PELI3: variants seen among roughly 807,000 people sequenced by gnomAD.
The protein encoded by PELI3 is pellino E3 ubiquitin protein ligase family member 3.
PELI3 carries 19 observed loss-of-function variants against 35.5 expected under a neutral mutation model. That is an observed-to-expected ratio of 0.54 (90% confidence interval 0.37 to 0.79). PELI3 has a LOEUF of 0.79. PELI3 is among the 30% of genes least tolerant of loss of function. The pLI is 0.00. For synonymous variants in PELI3, 262 were observed against 279.2 expected (o/e 0.94, Z 0.62); for missense variants, 490 against 661.2 (o/e 0.74, Z 2.84).
At chr11:66,471,163 A>C in intron 3 of PELI3, 79 bp from the exon 4 acceptor site, 1 of 1,493,568 alleles carries the variant, frequency 6.7e-7, no homozygotes, top group Admixed American at 1.9e-5. Flanking sequence ...AGTTTCCTCC[A>C]AGTCTCATCA....
At chr11:66,474,513 A>C (rs973563034) in intron 7 of PELI3, 1 of 183,572 alleles carries the variant, frequency 5.4e-6, no homozygotes, top group African/African-American at 2.4e-5. Context: ...CTGGCCATGC[A>C]CTGCTCTTCT....
At chr11:66,468,773 G>A (rs1214859043) in intron 2 of PELI3, 60 bp from the exon 3 acceptor site, 9 of 765,382 alleles carry the variant, frequency 1.2e-5, no homozygotes, top group Admixed American at 3.5e-5. Context: ...CGAGTGTTCT[G>A]GGAGGCAGGC....
chr11:66,469,755 A>G (rs1282068648), intron 3 of PELI3, among the ~76,000 whole-genome samples: 1 of 151,228 alleles, frequency 6.6e-6, no homozygotes. Flanking sequence ...CCAAGCCTAC[A>G]GAATCACAGT....
rs189679251 is a variant in PELI3, at chr11:66,471,137, C to T, written c.225-105C>T. 3.3e-4 allele frequency: 456 copies of T among 1,378,516 alleles called. 5 individuals carry two copies. The South Asian group carries it at 5.6e-3, about 17-fold the overall frequency. 85.4% of individuals were successfully genotyped at this position (1,378,516 alleles called of 1,614,324 possible). A position where few individuals can be genotyped will look rare whatever the true frequency, so the allele number is the denominator to read the frequency against. On this transcript the variant is annotated intron_variant, in intron 3 of 7. Coordinates refer to ENST00000320740, the MANE Select transcript of PELI3 (RefSeq NM_145065.3). ...TAGAGCTTGTTTATTAAGGTAGGAT[C>T]TGCCTAGAAGTTGGCAGTTTCCTCC...
Position 66,476,848 on chromosome 11 carries a change from A to G in PELI3, c.*681A>G. The G allele has an allele frequency of 6.6e-6, 1 of 152,328 alleles. No homozygotes were observed. The allele number at this position is 152,328 out of a possible 1,614,324, so 9.4% of individuals were successfully genotyped here. On this transcript the variant is annotated 3_prime_UTR_variant, in exon 8 of 8. Coordinates refer to ENST00000320740, the MANE Select transcript of PELI3 (RefSeq NM_145065.3). Reference sequence around the variant, plus strand: ...ATGGCAACACGGCTTCATGCGTGCCAGGATCAGAGTACAAATCAGGCTGTG... The same window carrying G: ...ATGGCAACACGGCTTCATGCGTGCCGGGATCAGAGTACAAATCAGGCTGTG...
chr11:66,468,833 A>G lies in PELI3; in HGVS notation c.153A>G (p.Gly51=). 1 of 780,136 alleles carries G rather than the reference A, an allele frequency of 1.3e-6. No individual in the cohort carries two copies. The highest frequency in any genetic ancestry group is 2.4e-6 in the Non-Finnish European group (1 of 417,672). The allele number at this position is 780,136 out of a possible 1,614,324, so 48.3% of individuals were successfully genotyped here. A position where few individuals can be genotyped will look rare whatever the true frequency, so the allele number is the denominator to read the frequency against. Residue 51 remains glycine, a splice_region_variant and synonymous_variant, in exon 3 of 8, where the codon GGA becomes GGG. Transcript: ENST00000320740. The part of the protein sequence containing the change: ...PIKYGELIVL[G]CCEEGGEETE... The stretch of plus-strand genomic sequence containing the variant: ...TTATTTCATTTCAATCTTCACAAAG[A>G]TGCTGTGAGGAAGGAGGTGAGGAAA...
chr11:66,473,774 T>C lies in PELI3; in HGVS notation c.689T>C (p.Met230Thr). 6.2e-7 allele frequency: 1 copy of C among 1,613,946 alleles called. No individual in the cohort carries two copies. The highest frequency in any genetic ancestry group is 8.5e-7 in the Non-Finnish European group (1 of 1,179,996). ...AAKWRTPDGL[M>T]DGLTTNGVLV... Reference sequence around the variant, plus strand: ...AAATGGCGGACCCCAGATGGCCTGATGGATGGACTGACCACCAATGGAGTC... The same window carrying C: ...AAATGGCGGACCCCAGATGGCCTGACGGATGGACTGACCACCAATGGAGTC... The change falls in exon 7 of 8, where the codon ATG (methionine) becomes ACG (threonine). Residue 230 changes from methionine (M) to threonine (T), a missense_variant. Around this residue, in one of 3 missense-constraint regions of PELI3, gnomAD observed 349 missense variants for 484.8 expected, o/e 0.72. Transcript: ENST00000320740. The surrounding 1 kb of genome is among the most constrained non-coding windows in gnomAD (Gnocchi z 5.8).
At position 66,476,502 on chromosome 11, in the gene PELI3, A is replaced by C; in HGVS notation, c.*335A>C. 1 of 323,692 alleles carries C rather than the reference A, an allele frequency of 3.1e-6. No individual in the cohort carries two copies. Among genetic ancestry groups the C allele is most frequent in the Non-Finnish European group, 5.7e-6 (1 of 174,192 alleles). The allele number at this position is 323,692 out of a possible 1,614,324, so 20.1% of individuals were successfully genotyped here. A position where few individuals can be genotyped will look rare whatever the true frequency, so the allele number is the denominator to read the frequency against. The stretch of plus-strand genomic sequence containing the variant: ...GGAGTGAAGGGGCCAGGGGCCTTTG[A>C]CCCCCAGCTTAGGCTGGCTATGCCC... On this transcript the variant is annotated 3_prime_UTR_variant, in exon 8 of 8. Transcript: ENST00000320740.
In PELI3 at chr11:66,473,287, C is replaced by A; in HGVS notation, c.503C>A (p.Thr168Lys). ...ENMIDFVVTD[T>K]SPGGGAAEGP... The stretch of plus-strand genomic sequence containing the variant: ...ATGATTGACTTCGTGGTAACAGACA[C>A]GTCCCCTGGAGGAGGGGCTGCCGAG... The change falls in exon 6 of 8, where the codon ACG (threonine) becomes AAG (lysine). Residue 168 changes from threonine to lysine, a missense_variant. Physicochemically the swap from Thr to Lys is moderately conservative, Grantham distance 78. This residue lies in a region of PELI3 where 349 missense variants were observed against 484.8 expected (regional missense o/e 0.72). Coordinates refer to ENST00000320740, the MANE Select transcript of PELI3 (RefSeq NM_145065.3). This position sits in a 1 kb window ranked among gnomAD's most constrained non-coding sequence, Gnocchi z 5.8. 6.2e-7 allele frequency: 1 copy of A among 1,613,420 alleles called. No individual in the cohort carries two copies. Among genetic ancestry groups the A allele is most frequent in the Non-Finnish European group, 8.5e-7 (1 of 1,179,872 alleles).
chr11:66,473,437 T>A lies in PELI3; in HGVS notation c.651+2T>A, dbSNP rs770562638. On this transcript the variant is annotated splice_donor_variant, in intron 6 of 7. Coordinates refer to ENST00000320740, the MANE Select transcript of PELI3 (RefSeq NM_145065.3). LOFTEE classifies it high-confidence loss of function. The surrounding 1 kb of genome is among the most constrained non-coding windows in gnomAD (Gnocchi z 5.8). ...GCCTCTAGCAACATCTTCCTTGGAG[T>A]GAGTGAGCCCCAGGAAGGGACCAAC... The A allele has an allele frequency of 6.2e-7, 1 of 1,605,836 alleles. No homozygotes were observed. The highest frequency in any genetic ancestry group is 8.5e-7 in the Non-Finnish European group (1 of 1,174,664).
rs770067313 is a variant in PELI3, at chr11:66,475,645, G to A, written c.888G>A (p.Leu296=). 4 of 1,612,664 alleles carry A rather than the reference G, an allele frequency of 2.5e-6. No individual in the cohort carries two copies. Among genetic ancestry groups the A allele is most frequent in the South Asian group, 1.1e-5 (1 of 91,084 alleles). Residue 296 remains leucine, a synonymous_variant, in exon 8 of 8, where the codon CTG becomes CTA. Coordinates refer to ENST00000320740, the MANE Select transcript of PELI3 (RefSeq NM_145065.3). ...NVLQDGSLID[L]CGATLLWRTP... ...TGCAGGACGGCTCTCTCATCGACCT[G>A]TGTGGGGCCACACTGCTGTGGCGCA...
Position 66,467,169 on chromosome 11 carries a change from C to T in PELI3, c.-2+142C>T, listed in dbSNP as rs1395593428. 2 of 149,490 alleles carry T rather than the reference C, an allele frequency of 1.3e-5. No homozygotes were observed. Among genetic ancestry groups the T allele is most frequent in the Non-Finnish European group, 3.0e-5 (2 of 67,090 alleles). The allele number at this position is 149,490 out of a possible 1,614,324, so 9.3% of individuals were successfully genotyped here. A position where few individuals can be genotyped will look rare whatever the true frequency, so the allele number is the denominator to read the frequency against. On this transcript the variant is annotated intron_variant, in intron 1 of 7. Coordinates refer to ENST00000320740, the MANE Select transcript of PELI3 (RefSeq NM_145065.3). This position sits in a 1 kb window ranked among gnomAD's most constrained non-coding sequence, Gnocchi z 4.2. ...GTGGCTGCTGCGCGCCCGCGCGTCCCTGCGGTCGCGGGTGCGGGTGGTCTC... is the reference window on the plus strand; with the variant it reads ...GTGGCTGCTGCGCGCCCGCGCGTCCTTGCGGTCGCGGGTGCGGGTGGTCTC...
At position 66,476,158 on chromosome 11, in the gene PELI3, G is replaced by A. The variant is rs745997594; in HGVS notation, c.1401G>A (p.Pro467=). ...HGCVRLIFQG[P]LD ...GCGTCCGCCTCATTTTCCAGGGCCCGCTGGATTAGGCTCCCTGGGGCCCCC... is the reference window on the plus strand; with the variant it reads ...GCGTCCGCCTCATTTTCCAGGGCCCACTGGATTAGGCTCCCTGGGGCCCCC... Residue 467 remains proline, a synonymous_variant, in exon 8 of 8, where the codon CCG becomes CCA. Transcript: ENST00000320740. 1.4e-5 allele frequency: 22 copies of A among 1,546,700 alleles called. No individual in the cohort carries two copies. The highest frequency in any genetic ancestry group is 3.8e-5 in the Admixed American group (2 of 52,706).
In PELI3 at chr11:66,468,892, G is replaced by T. The variant is rs751695415; in HGVS notation, c.212G>T (p.Arg71Met). 1.3e-6 allele frequency: 1 copy of T among 774,162 alleles called. No homozygotes were observed. The highest frequency in any genetic ancestry group is 1.4e-5 in the South Asian group (1 of 73,720). 48.0% of individuals were successfully genotyped at this position (774,162 alleles called of 1,614,324 possible). A position where few individuals can be genotyped will look rare whatever the true frequency, so the allele number is the denominator to read the frequency against. Residue 71 changes from arginine (R) to methionine (M), a missense_variant, in exon 3 of 8, where the codon AGG (arginine) becomes ATG (methionine). Physicochemically the swap from Arg to Met is moderately conservative, Grantham distance 91. Transcript: ENST00000320740. ...EAQRGEVTGP[R>M]AHSCYNGCLA... ...CAGAGAGGGGAAGTGACTGGCCCAA[G>T]GGCACACAGCTGGTAAGTGGCAGGG...
chr11:66,473,257 A>G lies in PELI3; in HGVS notation c.473A>G (p.Glu158Gly). The G allele has an allele frequency of 6.2e-7, 1 of 1,611,628 alleles. No homozygotes were observed. The highest frequency in any genetic ancestry group is 1.1e-5 in the South Asian group (1 of 90,902). ...TDMFQIGRSTENMIDFVVTDT... is the reference protein window; with the variant it reads ...TDMFQIGRSTGNMIDFVVTDT... ...TCCTCACAGATTGGCCGCTCCACAG[A>G]GAACATGATTGACTTCGTGGTAACA... Residue 158 changes from glutamate (E) to glycine (G), a missense_variant, in exon 6 of 8, where the codon GAG becomes GGG. By Grantham distance (98) the Glu-to-Gly change is moderately conservative. Around this residue, in one of 3 missense-constraint regions of PELI3, gnomAD observed 349 missense variants for 484.8 expected, o/e 0.72. Transcript: ENST00000320740. This position sits in a 1 kb window ranked among gnomAD's most constrained non-coding sequence, Gnocchi z 5.8.
In PELI3 at chr11:66,476,522, A is replaced by C; in HGVS notation, c.*355A>C. ...CTTTGACCCCCAGCTTAGGCTGGCT[A>C]TGCCCTGAGCCTGCCAACCCAGTTT... On this transcript the variant is annotated 3_prime_UTR_variant, in exon 8 of 8. Transcript: ENST00000320740. 3.4e-6 allele frequency: 1 copy of C among 293,826 alleles called. No individual in the cohort carries two copies. The highest frequency in any genetic ancestry group is 4.7e-5 in the South Asian group (1 of 21,238). 18.2% of individuals were successfully genotyped at this position (293,826 alleles called of 1,614,324 possible).
At position 66,476,957 on chromosome 11, in the gene PELI3, C is replaced by T. The variant is rs1854942156; in HGVS notation, c.*790C>T. The T allele has an allele frequency of 6.6e-6, 1 of 152,314 alleles. No homozygotes were observed. The highest frequency in any genetic ancestry group is 2.4e-5 in the African/African-American group (1 of 41,534). The allele number at this position is 152,314 out of a possible 1,614,324, so 9.4% of individuals were successfully genotyped here. On this transcript the variant is annotated 3_prime_UTR_variant, in exon 8 of 8. Transcript: ENST00000320740. ...GCTCAGCCTCAACGGCTGCTCGGAA[C>T]CCTCCGAGTCCACAAGATGGGAAGC...
chr11:66,475,210 G>GT (rs1854863464), intron 7 of PELI3: 1 of 240,396 alleles, frequency 4.2e-6, no homozygotes, highest in Non-Finnish European at 7.9e-6. Context: ...GCTTTTAACT[G>GT]TAACTACTGG....
At chr11:66,471,937 G>A (rs551013202) in intron 4 of PELI3, among the ~76,000 whole-genome samples, 1 of 152,160 alleles carries the variant, frequency 6.6e-6, no homozygotes, top group East Asian at 1.9e-4. Flanking sequence ...TCAGCTCACT[G>A]CAAGCTCTGC....
Sources: allele counts gnomAD v4.1 joint callset (sites outside exome capture counted in the v4.1 genomes callset), GRCh38; gene constraint gnomAD v4.1.1; regional missense constraint gnomAD v4.1.1; non-coding constraint Gnocchi (gnomAD v3.1); transcripts MANE v1.5; gene names NCBI Gene and HGNC (gene_info 2026-07-23, HGNC 2026-07-21).